The following GALNT7 variants were observed in gnomAD, a reference collection of about 807,000 sequenced individuals.
The protein encoded by GALNT7 is polypeptide N-acetylgalactosaminyltransferase 7.
In GALNT7, 60 loss-of-function variants were observed where a neutral mutation model predicts 82.1. The ratio of observed to expected loss-of-function variants is 0.73; its 90% CI spans 0.59 to 0.91. GALNT7 has a LOEUF of 0.91. Ranked by LOEUF, GALNT7 falls within the 40% of genes least tolerant of loss-of-function variation. The pLI, the probability that GALNT7 is intolerant of heterozygous loss-of-function variation, is 0.00. For synonymous variants in GALNT7, 243 were observed against 275.1 expected, an observed-to-expected ratio of 0.88 and a Z score of 1.15; for missense variants, 660 against 804.2, an observed-to-expected ratio of 0.82 and a Z score of 2.17.
intron 1 of GALNT7, among the ~76,000 whole-genome samples, chr4:173,174,994 C>T (rs1225509914): frequency 6.6e-6 from 1 of 152,110 alleles, no homozygotes; most frequent in African/African-American, 2.4e-5. Context: ...GAAAATAATT[C>T]ACGAATGAAA....
intron 1 of GALNT7, among the ~76,000 whole-genome samples, chr4:173,220,540 G>A (rs1733611641): frequency 6.6e-6 from 1 of 151,986 alleles, no homozygotes; most frequent in South Asian, 2.1e-4. Flanking sequence ...TAGGGTACAT[G>A]TGCACAATGT....
chr4:173,240,277 A>G (rs764632413), intron 1 of GALNT7, among the ~76,000 whole-genome samples: 6 of 152,146 alleles, frequency 3.9e-5, no homozygotes, highest in East Asian at 1.9e-4. Context: ...ACAATGTCCA[A>G]TGATCTGAGA....
At chr4:173,197,366 C>T (rs550094744) in intron 1 of GALNT7, among the ~76,000 whole-genome samples, 1 of 152,236 alleles carries the variant, frequency 6.6e-6, no homozygotes, top group Non-Finnish European at 1.5e-5. Flanking sequence ...TATGAAGGAA[C>T]AGAAAGCATG....
intron 6 of GALNT7, chr4:173,298,513 C>T (rs1736804462): frequency 7.1e-6 from 3 of 422,602 alleles, no homozygotes; most frequent in South Asian, 6.0e-5. Context: ...CTGAGACGTA[C>T]ACACTTTCAT....
intron 2 of GALNT7, among the ~76,000 whole-genome samples, chr4:173,249,683 T>A (rs1734782704): frequency 6.6e-6 from 1 of 152,236 alleles, no homozygotes; most frequent in African/African-American, 2.4e-5. Context: ...GGTTAAAAAA[T>A]TTAGTATATG....
At chr4:173,173,077 A>G (rs1731927604) in intron 1 of GALNT7, among the ~76,000 whole-genome samples, 1 of 152,178 alleles carries the variant, frequency 6.6e-6, no homozygotes, top group African/African-American at 2.4e-5. Context: ...GAAAAAAATA[A>G]ATTGATTCAA....
intron 2 of GALNT7, among the ~76,000 whole-genome samples, chr4:173,286,126 T>C (rs1205497476): frequency 6.6e-6 from 1 of 152,258 alleles, no homozygotes; most frequent in Non-Finnish European, 1.5e-5. Flanking sequence ...TGAGGTAAGC[T>C]GAGCATTCTT....
chr4:173,170,194 C>A (rs1224392214), intron 1 of GALNT7, among the ~76,000 whole-genome samples: 1 of 152,204 alleles, frequency 6.6e-6, no homozygotes, highest in Non-Finnish European at 1.5e-5. Flanking sequence ...CCAACTGGGC[C>A]GGCTGCCAGT....
intron 1 of GALNT7, among the ~76,000 whole-genome samples, chr4:173,210,312 G>T (rs1036921159): frequency 2.0e-5 from 3 of 151,996 alleles, no homozygotes; most frequent in African/African-American, 7.3e-5. Flanking sequence ...GAGGCAGATG[G>T]AATTTCATCC....
intron 2 of GALNT7, among the ~76,000 whole-genome samples, chr4:173,266,784 T>C (rs996654345): frequency 6.6e-6 from 1 of 151,812 alleles, no homozygotes; most frequent in African/African-American, 2.4e-5. Flanking sequence ...AGACAAGTAT[T>C]GCATGTTCTC....
chr4:173,309,796 T>C (rs1561199666), intron 8 of GALNT7, among the ~76,000 whole-genome samples: 1 of 152,126 alleles, frequency 6.6e-6, no homozygotes, highest in Non-Finnish European at 1.5e-5. Flanking sequence ...GGGGATGAGA[T>C]TTAAATGTCT....
chr4:173,311,887 T>G (rs1028371250), intron 8 of GALNT7, among the ~76,000 whole-genome samples: 1 of 152,250 alleles, frequency 6.6e-6, no homozygotes, highest in Non-Finnish European at 1.5e-5. Flanking sequence ...TGTTCACCCT[T>G]TGATAGTTAT....
intron 1 of GALNT7, among the ~76,000 whole-genome samples, chr4:173,207,812 G>A (rs2126665080): frequency 6.6e-6 from 1 of 152,264 alleles, no homozygotes; most frequent in Admixed American, 6.5e-5. Flanking sequence ...ATTTTAGAAA[G>A]GTTATGTAAG....
At chr4:173,221,442 A>AT (rs1245641063) in intron 1 of GALNT7, among the ~76,000 whole-genome samples, 1 of 152,206 alleles carries the variant, frequency 6.6e-6, no homozygotes, top group African/African-American at 2.4e-5. Flanking sequence ...GCTGAGCTGA[A>AT]TTTTTCAAAT....
intron 2 of GALNT7, among the ~76,000 whole-genome samples, chr4:173,277,901 A>G (rs1735973935): frequency 6.6e-6 from 1 of 152,200 alleles, no homozygotes; most frequent in Non-Finnish European, 1.5e-5. Context: ...AGATTTGTTA[A>G]AGCCTTTAAA....
intron 1 of GALNT7, among the ~76,000 whole-genome samples, chr4:173,189,478 C>T (rs935520994): frequency 6.6e-6 from 1 of 152,216 alleles, no homozygotes; most frequent in Non-Finnish European, 1.5e-5. Flanking sequence ...TTATCGGAAA[C>T]TCATTTCATA....
intron 2 of GALNT7, among the ~76,000 whole-genome samples, chr4:173,272,974 G>A (rs1306363637): frequency 6.6e-6 from 1 of 152,106 alleles, no homozygotes; most frequent in Non-Finnish European, 1.5e-5. Flanking sequence ...TAAGACTTCT[G>A]TAAGTAAATA....
At chr4:173,188,818 A>G (rs1187809507) in intron 1 of GALNT7, among the ~76,000 whole-genome samples, 1 of 152,094 alleles carries the variant, frequency 6.6e-6, no homozygotes, top group Non-Finnish European at 1.5e-5. Context: ...GATATATCTG[A>G]CCTCAGCAAA....
intron 1 of GALNT7, among the ~76,000 whole-genome samples, chr4:173,219,333 G>GGTGT (rs140058780): frequency 3.3e-4 from 50 of 150,158 alleles, no homozygotes; most frequent in Non-Finnish European, 5.6e-4. Context: ...AGTGTTCCAT[G>GGTGT]GTGTGTGTGT....
Sources: gnomAD v4.1 joint callset for allele counts (sites outside exome capture counted in the v4.1 genomes callset) on GRCh38, gnomAD v4.1.1 for gene constraint, MANE v1.5 for transcripts, NCBI Gene and HGNC (gene_info 2026-07-23, HGNC 2026-07-21) for gene names.